NKAIN2: variants seen among roughly 807,000 people sequenced by gnomAD.
NKAIN2 encodes sodium/potassium-transporting ATPase subunit beta-1-interacting protein 2.
In NKAIN2, 14 loss-of-function variants were observed where a neutral mutation model predicts 32.6. That is an observed-to-expected ratio of 0.43 (90% CI 0.28 to 0.67). The LOEUF is 0.67. NKAIN2 is among the 30% of genes least tolerant of loss of function. NKAIN2 has a pLI of 0.17. For synonymous variants in NKAIN2, 80 were observed against 87.2 expected (o/e 0.92, Z 0.46); for missense variants, 198 against 258.3 (o/e 0.77, Z 1.60).
At chr6:123,870,783 A>T (rs1337569677) in intron 1 of NKAIN2, among the ~76,000 whole-genome samples, 1 of 152,164 alleles carries the variant, frequency 6.6e-6, no homozygotes, top group East Asian at 1.9e-4. Context: ...TTCAGTGGCA[A>T]ATACATGTTG....
intron 5 of NKAIN2, among the ~76,000 whole-genome samples, chr6:124,809,324 C>T (rs9385351): frequency 0.21 from 30,666 of 148,130 alleles, 4,006 homozygotes; most frequent in East Asian, 0.57. Context: ...TCAGAAATAA[C>T]GCCACATATC....
intron 3 of NKAIN2, among the ~76,000 whole-genome samples, chr6:124,644,985 T>C (rs755358308): frequency 3.2e-4 from 48 of 152,210 alleles, no homozygotes; most frequent in Non-Finnish European, 5.7e-4. Flanking sequence ...TACAGGAAAA[T>C]AGATGAAAGT....
chr6:124,136,550 A>G lies in NKAIN2; in HGVS notation c.55-146455A>G, dbSNP rs190376051. Among the ~76,000 whole-genome samples the G allele has an allele frequency of 1.2e-3, 189 of 152,186 alleles. 1 individual carries two copies. Among genetic ancestry groups the G allele is most frequent in the African/African-American group, 4.4e-3 (181 of 41,546 alleles). ...AATACCAAAACCAGGAAAGGAAATAACAAAAAAGAAAACTACAGACCAATA... is the reference window on the plus strand; with the variant it reads ...AATACCAAAACCAGGAAAGGAAATAGCAAAAAAGAAAACTACAGACCAATA... On this transcript the variant is annotated intron_variant, in intron 1 of 6. Coordinates refer to ENST00000368417, the MANE Select transcript of NKAIN2 (RefSeq NM_001040214.3).
chr6:124,348,712 G>A (rs958710414), intron 2 of NKAIN2, among the ~76,000 whole-genome samples: 3 of 152,218 alleles, frequency 2.0e-5, no homozygotes, highest in African/African-American at 7.2e-5. Flanking sequence ...GAGGTACTGG[G>A]TTCATCTCAC....
Position 124,415,438 on chromosome 6 carries a change from C to G in NKAIN2, c.273+60091C>G, listed in dbSNP as rs1004119438. Among the ~76,000 whole-genome samples, 6 of 152,158 alleles carry G rather than the reference C, an allele frequency of 3.9e-5. No individual in the cohort carries two copies. The East Asian group carries it at 1.2e-3, about 29-fold the overall frequency. Reference sequence around the variant, plus strand: ...GGGGATGGAGTGTGGAGCTTCCAAGCCATCCTGGCTATGCCACCCTCCAGG... The same window carrying G: ...GGGGATGGAGTGTGGAGCTTCCAAGGCATCCTGGCTATGCCACCCTCCAGG... On this transcript the variant is annotated intron_variant, in intron 3 of 6. Transcript: ENST00000368417.
At chr6:124,377,421 G>T (rs1018112954) in intron 3 of NKAIN2, among the ~76,000 whole-genome samples, 1 of 152,148 alleles carries the variant, frequency 6.6e-6, no homozygotes, top group Non-Finnish European at 1.5e-5. Context: ...TAATTGCAAT[G>T]GTGTGTGATG....
chr6:123,827,889 CTCTCTCTA>C (rs1026753017), intron 1 of NKAIN2, among the ~76,000 whole-genome samples: 2 of 151,322 alleles, frequency 1.3e-5, no homozygotes, highest in African/African-American at 4.9e-5. Context: ...CTCTCTCTCT[CTCTCTCTA>C]TATATATATA....
At chr6:124,340,904 G>A (rs551459706) in intron 2 of NKAIN2, among the ~76,000 whole-genome samples, 4 of 152,192 alleles carry the variant, frequency 2.6e-5, no homozygotes, top group African/African-American at 9.6e-5. Context: ...ATATACAGGT[G>A]TTTTCATGCT....
chr6:124,326,204 T>G, intron 2 of NKAIN2, among the ~76,000 whole-genome samples: 1 of 149,048 alleles, frequency 6.7e-6, no homozygotes, highest in South Asian at 2.1e-4. Context: ...TTCAAAGCTC[T>G]TTTTTTTTTC....
rs199872882 is a variant in NKAIN2, at chr6:123,923,575, GTGTGGCACA to G, written c.54+119323_54+119331del. 9.7e-3 allele frequency among the ~76,000 whole-genome samples: 1,469 copies of G among 151,248 alleles called. 9 individuals are homozygous for G. The highest frequency in any genetic ancestry group is 0.015 in the Non-Finnish European group (1,021 of 67,822). ...AACAATGATAGACTGGATTAAGAAA[GTGTGGCACA>G]TATACACCATGGAATACTATGCAGC... On this transcript the variant is annotated intron_variant, in intron 1 of 6. Transcript: ENST00000368417.
intron 1 of NKAIN2, among the ~76,000 whole-genome samples, chr6:123,831,454 C>T (rs1276924392): frequency 2.8e-5 from 4 of 144,662 alleles, no homozygotes; most frequent in East Asian, 2.0e-4. Flanking sequence ...AGTTTTAACT[C>T]TTTTTTTTTT....
At chr6:124,272,596 G>C (rs1474546747) in intron 1 of NKAIN2, among the ~76,000 whole-genome samples, 1 of 152,172 alleles carries the variant, frequency 6.6e-6, no homozygotes, top group Non-Finnish European at 1.5e-5. Flanking sequence ...TGTGAAGTTT[G>C]AGCCCCCACA....
chr6:123,942,364 G>A (rs1038913629), intron 1 of NKAIN2, among the ~76,000 whole-genome samples: 3 of 152,078 alleles, frequency 2.0e-5, no homozygotes. Context: ...GCTTATAGTT[G>A]TAGACATTGA....
At chr6:124,754,410 T>A (rs575215799) in intron 4 of NKAIN2, among the ~76,000 whole-genome samples, 3 of 151,970 alleles carry the variant, frequency 2.0e-5, no homozygotes, top group African/African-American at 4.8e-5. Context: ...GGGGTTAACA[T>A]GAAATGTTAA....
intron 3 of NKAIN2, among the ~76,000 whole-genome samples, chr6:124,531,588 T>C (rs926261846): frequency 2.0e-5 from 3 of 152,204 alleles, no homozygotes; most frequent in African/African-American, 7.2e-5. Flanking sequence ...ATTCTCTCTT[T>C]TTCAATTTTT....
chr6:124,283,655 G>A (rs1280998190), intron 2 of NKAIN2, among the ~76,000 whole-genome samples: 1 of 152,114 alleles, frequency 6.6e-6, no homozygotes, highest in Non-Finnish European at 1.5e-5. Flanking sequence ...TGGCTTGAAG[G>A]AAGTATTTTG....
chr6:124,170,735 G>A (rs1305409469), intron 1 of NKAIN2, among the ~76,000 whole-genome samples: 1 of 152,122 alleles, frequency 6.6e-6, no homozygotes, highest in Non-Finnish European at 1.5e-5. Context: ...AAATAGCAAA[G>A]ATAGTAATAT....
intron 1 of NKAIN2, among the ~76,000 whole-genome samples, chr6:124,206,015 G>A (rs1053967781): frequency 3.2e-4 from 49 of 151,794 alleles, no homozygotes; most frequent in African/African-American, 1.1e-3. Context: ...GGGAGAAATG[G>A]TCATAGTTTA....
At chr6:124,307,412 C>G (rs1173883549) in intron 2 of NKAIN2, among the ~76,000 whole-genome samples, 1 of 152,010 alleles carries the variant, frequency 6.6e-6, no homozygotes, top group African/African-American at 2.4e-5. Context: ...CTTAAGAAAC[C>G]TCTGGGGAGG....
Sources: gnomAD v4.1 joint callset for allele counts (sites outside exome capture counted in the v4.1 genomes callset) on GRCh38, gnomAD v4.1.1 for gene constraint, MANE v1.5 for transcripts, NCBI Gene and HGNC (gene_info 2026-07-23, HGNC 2026-07-21) for gene names.